TULP4: variants seen among roughly 807,000 people sequenced by gnomAD.
The protein encoded by TULP4 is tubby-related protein 4.
In TULP4, 16 loss-of-function variants were observed where a neutral mutation model predicts 129.0. That is an observed-to-expected ratio of 0.12 (90% confidence interval 0.08 to 0.19). The LOEUF is 0.19. Among genes scored for constraint, TULP4 ranks in the 10% least tolerant of loss-of-function variants. The pLI is 1.00. For synonymous variants in TULP4, 998 were observed against 854.0 expected (o/e 1.17, Z -2.94); for missense variants, 1,842 against 2,059.1 (o/e 0.89, Z 2.04).
intron 1 of TULP4, among the ~76,000 whole-genome samples, chr6:158,356,919 G>A (rs923343097): frequency 2.6e-5 from 4 of 151,432 alleles, no homozygotes; most frequent in Non-Finnish European, 4.4e-5. Flanking sequence ...CAGAAACCAC[G>A]CAGTGGTTTT....
At chr6:158,285,546 T>A (rs757757033) in intron 1 of TULP4, among the ~76,000 whole-genome samples, 2 of 152,210 alleles carry the variant, frequency 1.3e-5, no homozygotes, top group Non-Finnish European at 2.9e-5. Flanking sequence ...ATTCCTTCTG[T>A]ACCAGGCCTG....
chr6:158,449,515 G>C (rs6920842), intron 4 of TULP4, among the ~76,000 whole-genome samples: 14,731 of 151,884 alleles, frequency 0.097, 761 homozygotes, highest in African/African-American at 0.13. Context: ...GAAAGCTAAA[G>C]ATGAAAAATG....
chr6:158,434,720 T>G (rs1436837374), intron 3 of TULP4, among the ~76,000 whole-genome samples: 1 of 152,198 alleles, frequency 6.6e-6, no homozygotes, highest in African/African-American at 2.4e-5. Context: ...CTGAGCTGTG[T>G]TTCCATGAAA....
At chr6:158,394,048 T>C (rs1777652345) in intron 1 of TULP4, among the ~76,000 whole-genome samples, 1 of 152,214 alleles carries the variant, frequency 6.6e-6, no homozygotes, top group Non-Finnish European at 1.5e-5. Context: ...CTTCATGCTG[T>C]TAGGAGCAGC....
intron 1 of TULP4, among the ~76,000 whole-genome samples, chr6:158,233,466 G>T (rs1777635613): frequency 6.6e-6 from 1 of 152,196 alleles, no homozygotes; most frequent in African/African-American, 2.4e-5. Context: ...CTCTTCCTCC[G>T]TGTCTGGGTT....
rs145959844 is a variant in TULP4, at chr6:158,503,509, G to A, written c.3846G>A (p.Lys1282=). The A allele has an allele frequency of 1.4e-4, 226 of 1,613,786 alleles. No homozygotes were observed. The highest frequency in any genetic ancestry group is 1.6e-4 in the Non-Finnish European group (189 of 1,179,994). ...ACCCCCAGGGCACTCTCCCCCCAAAGCCACACTTGGTGGTGGAGAAGCCCC... is the reference window on the plus strand; with the variant it reads ...ACCCCCAGGGCACTCTCCCCCCAAAACCACACTTGGTGGTGGAGAAGCCCC... The part of the protein sequence containing the change: ...MQNPQGTLPP[K]PHLVVEKPLV... Residue 1282 remains lysine, a synonymous_variant, in exon 13 of 14, where the codon AAG becomes AAA. Transcript: ENST00000367097. The surrounding 1 kb of genome is among the most constrained non-coding windows in gnomAD (Gnocchi z 4.3).
chr6:158,369,445 G>A (rs904735164), intron 1 of TULP4, among the ~76,000 whole-genome samples: 2 of 152,208 alleles, frequency 1.3e-5, no homozygotes, highest in African/African-American at 4.8e-5. Context: ...GCTGAAGTGA[G>A]CCTTGATTAT....
chr6:158,381,161 T>G (rs1370198206), intron 1 of TULP4, among the ~76,000 whole-genome samples: 6 of 148,454 alleles, frequency 4.0e-5, no homozygotes. Context: ...TTTATGGTTG[T>G]TTTTTTTTTT....
At chr6:158,364,492 G>A (rs1033573586) in intron 1 of TULP4, among the ~76,000 whole-genome samples, 1 of 152,112 alleles carries the variant, frequency 6.6e-6, no homozygotes, top group Non-Finnish European at 1.5e-5. Context: ...TTGTATTTCA[G>A]AAATATCTTT....
chr6:158,502,149 C>T lies in TULP4; in HGVS notation c.2486C>T (p.Thr829Met), dbSNP rs769007655. The T allele has an allele frequency of 1.3e-5, 21 of 1,599,300 alleles. No homozygotes were observed. The highest frequency in any genetic ancestry group is 6.7e-5 in the East Asian group (3 of 44,488). The change falls in exon 13 of 14, where the codon ACG becomes ATG. Residue 829 changes from threonine to methionine, a missense_variant. Physicochemically the swap from Thr to Met is moderately conservative, Grantham distance 81. Around this residue, in one of 5 missense-constraint regions of TULP4, gnomAD observed 1,089 missense variants for 987.1 expected, o/e 1.10. Coordinates refer to ENST00000367097, the MANE Select transcript of TULP4 (RefSeq NM_020245.5). ...VFSAPQEVQV[T>M]KINPPPPYPG... Reference sequence around the variant, plus strand: ...AGTGCCCCCCAGGAGGTCCAGGTGACGAAGATAAACCCTCCACCCCCGTAC... The same window carrying T: ...AGTGCCCCCCAGGAGGTCCAGGTGATGAAGATAAACCCTCCACCCCCGTAC...
chr6:158,409,760 G>A (rs1160961977), intron 1 of TULP4, among the ~76,000 whole-genome samples: 11 of 152,190 alleles, frequency 7.2e-5, no homozygotes, highest in African/African-American at 2.7e-4. Context: ...TAATTTAAGG[G>A]TGTTACTCAC....
At chr6:158,491,927 T>C (rs1184123555) in intron 9 of TULP4, among the ~76,000 whole-genome samples, 10 of 149,196 alleles carry the variant, frequency 6.7e-5, no homozygotes, top group East Asian at 4.1e-4. Flanking sequence ...GGCGTGATCT[T>C]GGCTCACTGC....
At chr6:158,440,411 GAGTGTGCTGTA>G (rs1396009913) in intron 3 of TULP4, among the ~76,000 whole-genome samples, 1 of 151,914 alleles carries the variant, frequency 6.6e-6, no homozygotes, top group Non-Finnish European at 1.5e-5. Context: ...GGTGACTGGT[GAGTGTGCTGTA>G]AGTAGGTTAA....
intron 2 of TULP4, among the ~76,000 whole-genome samples, chr6:158,420,768 G>C (rs535624086): frequency 1.3e-5 from 2 of 151,786 alleles, no homozygotes; most frequent in Non-Finnish European, 2.9e-5. Context: ...ACAGGCGTGA[G>C]CCACCTCGCC....
At chr6:158,418,097 GTGT>G (rs772258661) in intron 2 of TULP4, among the ~76,000 whole-genome samples, 42 of 143,298 alleles carry the variant, frequency 2.9e-4, no homozygotes, top group Non-Finnish European at 6.0e-4. Context: ...TTGTGTGTGT[GTGT>G]TTTTTTTTTT....
chr6:158,253,999 A>C (rs1778196355), intron 1 of TULP4, among the ~76,000 whole-genome samples: 1 of 151,828 alleles, frequency 6.6e-6, no homozygotes, highest in Non-Finnish European at 1.5e-5. Context: ...AGATTGCCCC[A>C]CTGTACTCCA....
chr6:158,330,812 T>A (rs1357376038), intron 1 of TULP4, among the ~76,000 whole-genome samples: 1 of 152,230 alleles, frequency 6.6e-6, no homozygotes, highest in Non-Finnish European at 1.5e-5. Flanking sequence ...GAATAGCTCT[T>A]CAGTTTTTCC....
intron 8 of TULP4, among the ~76,000 whole-genome samples, chr6:158,486,143 A>C (rs1780059346): frequency 6.6e-6 from 1 of 152,198 alleles, no homozygotes; most frequent in Non-Finnish European, 1.5e-5. Flanking sequence ...TTGTGCCCCC[A>C]CGTCACCCCC....
intron 1 of TULP4, among the ~76,000 whole-genome samples, chr6:158,288,895 A>G (rs1364168491): frequency 6.6e-6 from 1 of 152,200 alleles, no homozygotes; most frequent in Non-Finnish European, 1.5e-5. Flanking sequence ...TATCTAATAG[A>G]TTATATTTCT....
Sources: gnomAD v4.1 joint callset for allele counts (sites outside exome capture counted in the v4.1 genomes callset) on GRCh38, gnomAD v4.1.1 for gene constraint, gnomAD v4.1.1 regional missense constraint, Gnocchi (gnomAD v3.1) non-coding constraint, MANE v1.5 for transcripts, NCBI Gene and HGNC (gene_info 2026-07-23, HGNC 2026-07-21) for gene names.